Variants in CSMD3 observed in about 807,000 individuals in gnomAD.
CSMD3 encodes the protein CUB and Sushi multiple domains 3, also known as CUB and sushi domain-containing protein 3.
A neutral mutation model predicts 435.2 loss-of-function variants in CSMD3; 177 were observed. That is an observed-to-expected ratio of 0.41 (90% confidence interval 0.36 to 0.46). CSMD3 has a LOEUF of 0.46. Ranked by LOEUF, CSMD3 falls within the 20% of genes least tolerant of loss-of-function variation. The pLI is 0.34. For missense variants in CSMD3, 4,265 were observed against 4,504.6 expected (o/e 0.95, Z 1.52); for synonymous variants, 1,656 against 1,520.5 (o/e 1.09, Z -2.07).
rs547514393 is a variant in CSMD3, at chr8:112,937,896, T to A, written c.1508+9894A>T. Among the ~76,000 whole-genome samples, 16 of 152,102 alleles carry A rather than the reference T, an allele frequency of 1.1e-4. 1 individual carries two copies. The East Asian group carries it at 2.9e-3, about 28-fold the overall frequency. ...GATTGATGATTAAAAAAAGATAGCATCAGCATTCAAAAATAGAATAAATAC... is the reference window on the plus strand; with the variant it reads ...GATTGATGATTAAAAAAAGATAGCAACAGCATTCAAAAATAGAATAAATAC... On this transcript the variant is annotated intron_variant, in intron 9 of 70. Transcript: ENST00000297405.
At chr8:113,416,332 T>G (rs1046246143) in intron 1 of CSMD3, among the ~76,000 whole-genome samples, 1 of 152,130 alleles carries the variant, frequency 6.6e-6, no homozygotes, top group Non-Finnish European at 1.5e-5. Context: ...TCATAATTCT[T>G]ATAGCTATAT....
chr8:113,069,927 G>A (rs914787001), intron 5 of CSMD3, among the ~76,000 whole-genome samples: 2 of 152,070 alleles, frequency 1.3e-5, no homozygotes, highest in African/African-American at 2.4e-5. Context: ...AAAGGCAGTT[G>A]CCCAAGAGAG....
At chr8:113,111,774 G>A (rs748596329) in intron 4 of CSMD3, among the ~76,000 whole-genome samples, 2 of 151,942 alleles carry the variant, frequency 1.3e-5, no homozygotes, top group African/African-American at 2.4e-5. Flanking sequence ...CTCTGCTTCC[G>A]AGTTCAAGTG....
intron 34 of CSMD3, among the ~76,000 whole-genome samples, chr8:112,406,983 T>C (rs1470046519): frequency 6.6e-6 from 1 of 152,006 alleles, no homozygotes; most frequent in Non-Finnish European, 1.5e-5. Context: ...ATTTTTGTTT[T>C]ACCGAACTCA....
intron 12 of CSMD3, among the ~76,000 whole-genome samples, chr8:112,809,789 T>TA (rs144792614): frequency 1.2e-3 from 188 of 151,570 alleles, no homozygotes; most frequent in Admixed American, 3.0e-3. Flanking sequence ...GCATTTAAGT[T>TA]AAAAAAAAAC....
At chr8:112,549,010 A>G (rs1827439687) in intron 27 of CSMD3, among the ~76,000 whole-genome samples, 1 of 152,116 alleles carries the variant, frequency 6.6e-6, no homozygotes, top group Non-Finnish European at 1.5e-5. Context: ...AAATGCATCT[A>G]AAATAGTGTG....
intron 1 of CSMD3, among the ~76,000 whole-genome samples, chr8:113,411,862 T>TA (rs1280219247): frequency 2.6e-5 from 4 of 152,160 alleles, no homozygotes; most frequent in African/African-American, 4.8e-5. Context: ...ATCTTCTTTT[T>TA]AAAAAAAATT....
At chr8:113,385,115 T>C (rs935142382) in intron 1 of CSMD3, among the ~76,000 whole-genome samples, 1 of 152,146 alleles carries the variant, frequency 6.6e-6, no homozygotes, top group African/African-American at 2.4e-5. Context: ...AAAAGTCAAT[T>C]ACCAGGAGTC....
intron 5 of CSMD3, among the ~76,000 whole-genome samples, chr8:113,057,885 G>A (rs980442277): frequency 1.4e-4 from 21 of 151,668 alleles, no homozygotes; most frequent in African/African-American, 5.1e-4. Flanking sequence ...GCTCACCTTG[G>A]TAGATAACTA....
chr8:113,309,969 A>C (rs1420956334), intron 2 of CSMD3: 3 of 152,244 alleles, frequency 2.0e-5, no homozygotes, highest in Non-Finnish European at 4.4e-5. Flanking sequence ...TGAACTGTAT[A>C]ATAACAAACT....
chr8:112,536,200 C>T (rs904785156), intron 27 of CSMD3, among the ~76,000 whole-genome samples: 3 of 150,974 alleles, frequency 2.0e-5, no homozygotes, highest in African/African-American at 7.3e-5. Flanking sequence ...AGAGCTTCTG[C>T]ACAGCAAAAG....
intron 6 of CSMD3, among the ~76,000 whole-genome samples, chr8:113,007,798 A>G (rs1361211062): frequency 2.0e-5 from 3 of 151,924 alleles, no homozygotes; most frequent in East Asian, 3.9e-4. Flanking sequence ...AAAATCTCAT[A>G]TGCATTTGTG....
rs116597213 is a variant in CSMD3 at position 112,956,514 on chromosome 8, A to G, written c.1343-1753T>C. Among the ~76,000 whole-genome samples, 1,373 of 152,260 alleles carry G rather than the reference A, an allele frequency of 9.0e-3. 14 individuals carry two copies. Among genetic ancestry groups the G allele is most frequent in the Middle Eastern group, 0.014 (4 of 294 alleles). ...ATCTACCTCTACTTTTCTCTGCATT[A>G]TAAGATTTGACTTTATAAGTATTAA... On this transcript the variant is annotated intron_variant, in intron 7 of 70. Transcript: ENST00000297405.
chr8:113,003,555 A>G (rs533783804), intron 6 of CSMD3, among the ~76,000 whole-genome samples: 5 of 152,204 alleles, frequency 3.3e-5, no homozygotes, highest in African/African-American at 1.2e-4. Context: ...TCTTAGTACC[A>G]ATATTTTATG....
chr8:112,769,280 C>T (rs760837448), intron 13 of CSMD3, among the ~76,000 whole-genome samples: 1 of 151,938 alleles, frequency 6.6e-6, no homozygotes, highest in Non-Finnish European at 1.5e-5. Flanking sequence ...CCTCCAATGA[C>T]TTCTGAATTC....
intron 1 of CSMD3, among the ~76,000 whole-genome samples, chr8:113,327,364 G>C (rs1209850751): frequency 1.3e-5 from 2 of 152,084 alleles, no homozygotes; most frequent in South Asian, 2.1e-4. Context: ...CAAATATACT[G>C]GCAAAAATGG....
chr8:112,603,040 G>A (rs929652638), intron 22 of CSMD3, among the ~76,000 whole-genome samples: 1 of 152,146 alleles, frequency 6.6e-6, no homozygotes, highest in Admixed American at 6.5e-5. Flanking sequence ...ACCATGGCAG[G>A]CTAATTTTTG....
At chr8:112,971,001 G>A (rs2084635909) in intron 7 of CSMD3, among the ~76,000 whole-genome samples, 2 of 152,038 alleles carry the variant, frequency 1.3e-5, no homozygotes, top group South Asian at 2.1e-4. Flanking sequence ...GATGACAGGC[G>A]TGGGCCACCA....
chr8:113,286,660 G>T (rs959064778), intron 2 of CSMD3, among the ~76,000 whole-genome samples: 1 of 151,432 alleles, frequency 6.6e-6, no homozygotes, highest in Non-Finnish European at 1.5e-5. Flanking sequence ...TATTTTTTCT[G>T]GGAGAGTTGA....
Sources: allele counts gnomAD v4.1 joint callset (sites outside exome capture counted in the v4.1 genomes callset), GRCh38; gene constraint gnomAD v4.1.1; transcripts MANE v1.5; gene names NCBI Gene and HGNC (gene_info 2026-07-23, HGNC 2026-07-21).